The following CDH12 variants were observed in gnomAD, a reference collection of about 807,000 sequenced individuals.
CDH12 encodes cadherin 12, also known as cadherin-12.
CDH12 carries 41 observed loss-of-function variants against 74.1 expected under a neutral mutation model. The observed-to-expected ratio is 0.55, with a 90% CI of 0.43 to 0.72. The LOEUF is 0.72. CDH12 is among the 30% of genes least tolerant of loss of function. The probability of loss-of-function intolerance (pLI) is 0.00; values close to 1 mark genes in which losing one functional copy is unlikely to be tolerated. For missense variants in CDH12, 945 were observed against 977.2 expected, an observed-to-expected ratio of 0.97 and a Z score of 0.44; for synonymous variants, 399 against 355.0, an observed-to-expected ratio of 1.12 and a Z score of -1.39.
intron 10 of CDH12, 57 bp from the exon 11 acceptor site, chr5:21,783,551 C>T (rs1746036200): frequency 1.5e-6 from 2 of 1,317,942 alleles, no homozygotes. Flanking sequence ...ATCATAATGG[C>T]ACTTAGGCTA....
chr5:22,836,217 C>CTCTTTTTTTTT (rs1329156670), intron 1 of CDH12, among the ~76,000 whole-genome samples: 1 of 20,474 alleles, frequency 4.9e-5, no homozygotes, highest in Non-Finnish European at 9.4e-5. Flanking sequence ...TTTTTTCTTT[C>CTCTTTTTTTTT]TTTCTCTTTT....
chr5:22,629,674 G>A (rs1471585459), intron 1 of CDH12, among the ~76,000 whole-genome samples: 3 of 152,046 alleles, frequency 2.0e-5, no homozygotes, highest in South Asian at 2.1e-4. Context: ...AGCAAAAGGT[G>A]GAAGCATTAC....
intron 2 of CDH12, among the ~76,000 whole-genome samples, chr5:22,460,223 A>AT: frequency 6.6e-6 from 1 of 152,056 alleles, no homozygotes; most frequent in Non-Finnish European, 1.5e-5. Flanking sequence ...AATATAATTT[A>AT]TTTTTTTCAA....
At chr5:22,327,034 G>T (rs534415264) in intron 3 of CDH12, among the ~76,000 whole-genome samples, 1 of 151,812 alleles carries the variant, frequency 6.6e-6, no homozygotes, top group African/African-American at 2.4e-5. Flanking sequence ...TTTATTCAGT[G>T]GCCATTTCGT....
chr5:22,679,668 A>G (rs561023558), intron 1 of CDH12, among the ~76,000 whole-genome samples: 1 of 152,264 alleles, frequency 6.6e-6, no homozygotes, highest in Admixed American at 6.6e-5. Flanking sequence ...TTAATTGATG[A>G]TGATAACAAC....
chr5:21,825,815 C>T (rs1338641165), intron 8 of CDH12, among the ~76,000 whole-genome samples: 1 of 152,172 alleles, frequency 6.6e-6, no homozygotes, highest in Non-Finnish European at 1.5e-5. Context: ...TGGCACTCTA[C>T]TATCATAGTT....
chr5:22,590,853 T>G (rs1459528943), intron 1 of CDH12, among the ~76,000 whole-genome samples: 1 of 152,188 alleles, frequency 6.6e-6, no homozygotes, highest in African/African-American at 2.4e-5. Context: ...CTGTTTCAAC[T>G]AAGTCTCCCT....
At chr5:22,715,827 A>C (rs1407401067) in intron 1 of CDH12, among the ~76,000 whole-genome samples, 4 of 150,772 alleles carry the variant, frequency 2.7e-5, no homozygotes, top group Non-Finnish European at 5.9e-5. Flanking sequence ...AAAAAAAGAA[A>C]AAAGAAAAGA....
At chr5:22,747,308 A>AT (rs1745339245) in intron 1 of CDH12, among the ~76,000 whole-genome samples, 1 of 152,104 alleles carries the variant, frequency 6.6e-6, no homozygotes, top group African/African-American at 2.4e-5. Flanking sequence ...TATTGTACTC[A>AT]TTTGGTATGT....
chr5:22,161,389 T>C (rs1225543693), intron 4 of CDH12, among the ~76,000 whole-genome samples: 1 of 152,128 alleles, frequency 6.6e-6, no homozygotes, highest in East Asian at 1.9e-4. Flanking sequence ...GCAAGAATAA[T>C]CAAAAACAAC....
chr5:22,066,111 A>T (rs1392866588), intron 5 of CDH12, among the ~76,000 whole-genome samples: 2 of 152,124 alleles, frequency 1.3e-5, no homozygotes, highest in Non-Finnish European at 2.9e-5. Context: ...CTCTTGGGGA[A>T]GGATTCCAAT....
intron 12 of CDH12, among the ~76,000 whole-genome samples, chr5:21,761,951 A>C (rs1175430838): frequency 6.6e-6 from 1 of 152,176 alleles, no homozygotes; most frequent in Non-Finnish European, 1.5e-5. Flanking sequence ...TTCATTATTC[A>C]GCACCAAAGC....
chr5:22,692,895 G>A (rs918273198), intron 1 of CDH12, among the ~76,000 whole-genome samples: 1 of 151,514 alleles, frequency 6.6e-6, no homozygotes, highest in African/African-American at 2.4e-5. Flanking sequence ...TTCTCATGAT[G>A]AACAAACAGA....
At chr5:22,742,285 AG>A (rs564941522) in intron 1 of CDH12, among the ~76,000 whole-genome samples, 56 of 152,202 alleles carry the variant, frequency 3.7e-4, no homozygotes, top group African/African-American at 1.3e-3. Flanking sequence ...AACAAGAACA[AG>A]GGGTTTATTG....
At position 22,107,410 on chromosome 5, in the gene CDH12, C is replaced by T. The variant is rs149420426; in HGVS notation, c.-186-28548G>A. On this transcript the variant is annotated intron_variant, in intron 4 of 14. Transcript: ENST00000382254. ...GCCTCCCAAAGTGTGGGATTACAGG[C>T]GTGAGCCACCGTGCTGGGCCTTCTG... 7.8e-3 allele frequency among the ~76,000 whole-genome samples: 1,170 copies of T among 149,552 alleles called. 15 individuals carry two copies. Among genetic ancestry groups the T allele is most frequent in the African/African-American group, 0.027 (1,102 of 40,724 alleles).
At chr5:22,164,960 C>G (rs1748595559) in intron 4 of CDH12, among the ~76,000 whole-genome samples, 1 of 144,592 alleles carries the variant, frequency 6.9e-6, no homozygotes, top group African/African-American at 2.6e-5. Flanking sequence ...AGACTTCTCA[C>G]TGAATGTGTT....
intron 6 of CDH12, among the ~76,000 whole-genome samples, chr5:21,857,079 A>C (rs1049159819): frequency 6.6e-6 from 1 of 151,864 alleles, no homozygotes; most frequent in Admixed American, 6.6e-5. Context: ...CTTTCCATTA[A>C]GAAGTCTCGG....
intron 5 of CDH12, among the ~76,000 whole-genome samples, chr5:22,004,634 G>A (rs926980057): frequency 1.3e-5 from 2 of 152,170 alleles, no homozygotes; most frequent in South Asian, 2.1e-4. Flanking sequence ...ACCAAATTGA[G>A]TATTGTTGTC....
chr5:22,170,151 A>T (rs1748935940), intron 4 of CDH12, among the ~76,000 whole-genome samples: 1 of 151,910 alleles, frequency 6.6e-6, no homozygotes. Context: ...TCAGAATAGT[A>T]GAAACAATTA....
Sources: gnomAD v4.1 joint callset for allele counts (sites outside exome capture counted in the v4.1 genomes callset) on GRCh38, gnomAD v4.1.1 for gene constraint, MANE v1.5 for transcripts, NCBI Gene and HGNC (gene_info 2026-07-23, HGNC 2026-07-21) for gene names.